VAV2: variants seen among roughly 807,000 people sequenced by gnomAD.
The protein encoded by VAV2 is vav guanine nucleotide exchange factor 2, also known as guanine nucleotide exchange factor VAV2.
VAV2 carries 67 observed loss-of-function variants against 132.5 expected under a neutral mutation model. The observed-to-expected ratio is 0.51, with a 90% CI of 0.42 to 0.62. The LOEUF is 0.62. Ranked by LOEUF, VAV2 falls within the 20% of genes least tolerant of loss-of-function variation. The pLI is 0.00. For missense variants in VAV2, 938 were observed against 1,153.6 expected, an observed-to-expected ratio of 0.81 and a Z score of 2.71; for synonymous variants, 492 against 443.5, an observed-to-expected ratio of 1.11 and a Z score of -1.37.
chr9:133,975,273 C>T (rs1001390230), intron 1 of VAV2, among the ~76,000 whole-genome samples: 10 of 152,134 alleles, frequency 6.6e-5, no homozygotes, highest in East Asian at 5.8e-4. Context: ...CCCATATCCT[C>T]GCTCAGTGCT....
rs555623333 is a variant in VAV2 at position 133,972,713 on chromosome 9, C to T, written c.204+19362G>A. Among the ~76,000 whole-genome samples the T allele has an allele frequency of 5.3e-5, 8 of 152,250 alleles. No homozygotes were observed. In the East Asian group the frequency reaches 9.7e-4, roughly 18 times the overall value. On this transcript the variant is annotated intron_variant, in intron 1 of 29. Transcript: ENST00000371850. ...CGGAGGCTCTTGCCACTCACTCCAGCGAGGGGAACCTGACTGCAGACACCC... is the reference window on the plus strand; with the variant it reads ...CGGAGGCTCTTGCCACTCACTCCAGTGAGGGGAACCTGACTGCAGACACCC...
At chr9:133,947,559 C>T (rs141570681) in intron 1 of VAV2, among the ~76,000 whole-genome samples, 4,185 of 151,954 alleles carry the variant, frequency 0.028, 177 homozygotes, top group African/African-American at 0.084. Flanking sequence ...ATTAGCCAGG[C>T]GTGGTGGCGC....
intron 1 of VAV2, among the ~76,000 whole-genome samples, chr9:133,947,695 G>A (rs545321827): frequency 4.4e-4 from 54 of 123,606 alleles, no homozygotes; most frequent in African/African-American, 9.3e-4. Flanking sequence ...GCAAAACTCC[G>A]TCTCAAAAAA....
Position 133,778,903 on chromosome 9 carries a change from G to C in VAV2, c.1763-14C>G. 6.2e-7 allele frequency: 1 copy of C among 1,610,624 alleles called. No homozygotes were observed. Among genetic ancestry groups the C allele is most frequent in the African/African-American group, 1.3e-5 (1 of 75,014 alleles). On this transcript the variant is annotated splice_polypyrimidine_tract_variant and intron_variant, in intron 21 of 29. Transcript: ENST00000371850. ...CCATCTTGGGACCTGCAAAGGATAG[G>C]ACAGCTCACTCAGTGACTCAGCAGC...
intron 3 of VAV2, among the ~76,000 whole-genome samples, chr9:133,839,695 C>G (rs574652409): frequency 6.6e-6 from 1 of 152,250 alleles, no homozygotes; most frequent in South Asian, 2.1e-4. Flanking sequence ...GTGATCCGCC[C>G]GCCTCAGCCT....
intron 1 of VAV2, among the ~76,000 whole-genome samples, chr9:133,979,818 C>A (rs531309349): frequency 3.9e-5 from 6 of 152,194 alleles, no homozygotes; most frequent in Non-Finnish European, 7.4e-5. Context: ...GGGAAGGCGG[C>A]GCCAGCTGCG....
chr9:133,877,942 CGT>C (rs1838328504), intron 2 of VAV2, among the ~76,000 whole-genome samples: 1 of 152,224 alleles, frequency 6.6e-6, no homozygotes, highest in Non-Finnish European at 1.5e-5. Context: ...TCCTCTGCGA[CGT>C]CAACTCCACA....
At chr9:133,916,725 C>T (rs1325514333) in intron 2 of VAV2, among the ~76,000 whole-genome samples, 2 of 152,136 alleles carry the variant, frequency 1.3e-5, no homozygotes, top group African/African-American at 2.4e-5. Context: ...TTTGTCGGTT[C>T]CCCTGCAAAG....
At chr9:133,854,126 A>G (rs898559212) in intron 3 of VAV2, among the ~76,000 whole-genome samples, 1 of 89,614 alleles carries the variant, frequency 1.1e-5, no homozygotes, top group Non-Finnish European at 2.1e-5. Flanking sequence ...TTGCACCTGC[A>G]CACACACACC....
intron 3 of VAV2, among the ~76,000 whole-genome samples, chr9:133,839,415 C>A (rs1397195933): frequency 1.3e-5 from 2 of 151,596 alleles, no homozygotes; most frequent in African/African-American, 2.4e-5. Context: ...TGCTCTTAAT[C>A]CCCTGAAATG....
At position 133,893,999 on chromosome 9, in the gene VAV2, C is replaced by T. The variant is rs573287932; in HGVS notation, c.322-32567G>A. Among the ~76,000 whole-genome samples the T allele has an allele frequency of 1.2e-4, 18 of 152,306 alleles. No homozygotes were observed. In the South Asian group the frequency reaches 2.5e-3, roughly 21 times the overall value. On this transcript the variant is annotated intron_variant, in intron 2 of 29. Coordinates refer to ENST00000371850, the MANE Select transcript of VAV2 (RefSeq NM_001134398.2). The stretch of plus-strand genomic sequence containing the variant: ...GGCTCGGGGAGAAGGAAGACAGTAA[C>T]GGGCCCAAGGCCACCCCGCCAAGCA...
In VAV2 at chr9:133,769,569, C is replaced by G. The variant is rs1833548406; in HGVS notation, c.2348-66G>C. ...CATCCACGCACAGTCACGGTGGGCACAGCTACAGGCCGGGGGGCATGGGGT... is the reference window on the plus strand; with the variant it reads ...CATCCACGCACAGTCACGGTGGGCAGAGCTACAGGCCGGGGGGCATGGGGT... On this transcript the variant is annotated intron_variant, in intron 27 of 29. Coordinates refer to ENST00000371850, the MANE Select transcript of VAV2 (RefSeq NM_001134398.2). The surrounding 1 kb of genome is among the most constrained non-coding windows in gnomAD (Gnocchi z 8.1). The G allele has an allele frequency of 6.6e-7, 1 of 1,506,468 alleles. No individual in the cohort carries two copies. Among genetic ancestry groups the G allele is most frequent in the South Asian group, 1.2e-5 (1 of 81,860 alleles). The allele number at this position is 1,506,468 out of a possible 1,614,324, so 93.3% of individuals were successfully genotyped here.
intron 24 of VAV2, among the ~76,000 whole-genome samples, chr9:133,775,508 T>C (rs1833781754): frequency 6.6e-6 from 1 of 152,202 alleles, no homozygotes; most frequent in Admixed American, 6.5e-5. Context: ...CCATGTCAGT[T>C]GAATTTTGAA....
At chr9:133,894,741 G>A (rs904946265) in intron 2 of VAV2, among the ~76,000 whole-genome samples, 1 of 152,144 alleles carries the variant, frequency 6.6e-6, no homozygotes, top group African/African-American at 2.4e-5. Context: ...ACCCCAAGAG[G>A]CTCCAGATCC....
chr9:133,959,130 A>G (rs1841886903), intron 1 of VAV2, among the ~76,000 whole-genome samples: 1 of 152,186 alleles, frequency 6.6e-6, no homozygotes, highest in Non-Finnish European at 1.5e-5. Flanking sequence ...CCATGCTGAC[A>G]GCTACTGAAA....
chr9:133,895,214 G>C (rs1839149795), intron 2 of VAV2, among the ~76,000 whole-genome samples: 2 of 151,956 alleles, frequency 1.3e-5, no homozygotes, highest in Non-Finnish European at 2.9e-5. Context: ...GGGCTCTATG[G>C]AGATCTCTGA....
In VAV2 at chr9:133,992,315, G is replaced by A. The variant is rs761647218; in HGVS notation, c.-37C>T. ...GCCCGACCGGCTCAGGGCAGTGCTC[G>A]AGCCAAAGTGCAGCGGCCGCGGGGC... is the stretch of plus-strand genomic sequence containing the variant. On this transcript the variant is annotated 5_prime_UTR_variant, in exon 1 of 30. Coordinates refer to ENST00000371850, the MANE Select transcript of VAV2 (RefSeq NM_001134398.2). The surrounding 1 kb of genome is among the most constrained non-coding windows in gnomAD (Gnocchi z 5.5). 3.3e-4 allele frequency: 421 copies of A among 1,294,768 alleles called. 2 individuals are homozygous for A. The highest frequency in any genetic ancestry group is 8.4e-4 in the Middle Eastern group (3 of 3,568). The allele number at this position is 1,294,768 out of a possible 1,614,324, so 80.2% of individuals were successfully genotyped here.
intron 2 of VAV2, among the ~76,000 whole-genome samples, chr9:133,916,696 C>G (rs1303021051): frequency 6.6e-6 from 1 of 152,150 alleles, no homozygotes; most frequent in East Asian, 1.9e-4. Context: ...CACGGCTGGG[C>G]CTCCAGGACC....
At chr9:133,782,344 A>G (rs9409864) in intron 19 of VAV2, among the ~76,000 whole-genome samples, 31,300 of 151,904 alleles carry the variant, frequency 0.21, 3,454 homozygotes, top group African/African-American at 0.24. Context: ...ACGAGAGGGC[A>G]GTATTGATGG....
Sources: allele counts gnomAD v4.1 joint callset (sites outside exome capture counted in the v4.1 genomes callset), GRCh38; gene constraint gnomAD v4.1.1; non-coding constraint Gnocchi (gnomAD v3.1); transcripts MANE v1.5; gene names NCBI Gene and HGNC (gene_info 2026-07-23, HGNC 2026-07-21).